EXTL3: variants seen among roughly 807,000 people sequenced by gnomAD.
EXTL3 encodes exostosin like glycosyltransferase 3.
In EXTL3, 27 loss-of-function variants were observed where a neutral mutation model predicts 69.3. The observed-to-expected ratio is 0.39, with a 90% CI of 0.29 to 0.54. EXTL3 has a LOEUF of 0.54. Ranked by LOEUF, EXTL3 falls within the 20% of genes least tolerant of loss-of-function variation. The probability of loss-of-function intolerance (pLI) is 0.69; values close to 1 mark genes in which losing one functional copy is unlikely to be tolerated. For missense variants in EXTL3, 1,003 were observed against 1,231.8 expected (o/e 0.81, Z 2.78); for synonymous variants, 511 against 499.4 (o/e 1.02, Z -0.31).
chr8:28,618,231 C>T (rs911275199), upstream of EXTL3, among the ~76,000 whole-genome samples: 2 of 151,912 alleles, frequency 1.3e-5, no homozygotes, highest in African/African-American at 4.8e-5. Context: ...CTTTGGGAGG[C>T]AGAGGCGGGT....
chr8:28,689,421 T>G (rs1206734653), intron 1 of EXTL3, among the ~76,000 whole-genome samples: 1 of 152,176 alleles, frequency 6.6e-6, no homozygotes, highest in African/African-American at 2.4e-5. Flanking sequence ...CCAGTCCCCA[T>G]GTTTTTGGAT....
intron 1 of EXTL3, among the ~76,000 whole-genome samples, chr8:28,711,261 G>A (rs1801025214): frequency 6.6e-6 from 1 of 152,066 alleles, no homozygotes; most frequent in Non-Finnish European, 1.5e-5. Context: ...TCAAACCAGT[G>A]ACAAACCTCT....
At chr8:28,680,489 G>T (rs1168512015) in intron 1 of EXTL3, among the ~76,000 whole-genome samples, 2 of 151,894 alleles carry the variant, frequency 1.3e-5, no homozygotes, top group African/African-American at 4.8e-5. Context: ...TATTTACAGG[G>T]TATGACATGA....
chr8:28,662,702 C>A (rs533498765), intron 1 of EXTL3, among the ~76,000 whole-genome samples: 1 of 151,930 alleles, frequency 6.6e-6, no homozygotes, highest in Non-Finnish European at 1.5e-5. Context: ...TAATTAGAGT[C>A]CAGGGGTTCG....
At chr8:28,661,074 A>C (rs1404999648) in intron 1 of EXTL3, among the ~76,000 whole-genome samples, 1 of 150,964 alleles carries the variant, frequency 6.6e-6, no homozygotes, top group Non-Finnish European at 1.5e-5. Context: ...CCACCACGCC[A>C]GGCTAATTTT....
At chr8:28,725,514 C>A (rs760080138) in intron 3 of EXTL3, among the ~76,000 whole-genome samples, 29 of 152,190 alleles carry the variant, frequency 1.9e-4, no homozygotes, top group Non-Finnish European at 3.5e-4. Flanking sequence ...GATCTAGAAA[C>A]TTCTCAAGTC....
intron 1 of EXTL3, among the ~76,000 whole-genome samples, chr8:28,659,711 C>T (rs1365913778): frequency 6.6e-6 from 1 of 152,180 alleles, no homozygotes; most frequent in Admixed American, 6.6e-5. Flanking sequence ...TGTGCCAGTG[C>T]CTGCCCCAAA....
In EXTL3 at chr8:28,753,108, C is replaced by T. The variant is rs1802044084; in HGVS notation, c.*2242C>T. On this transcript the variant is annotated 3_prime_UTR_variant, in exon 7 of 7. Coordinates refer to ENST00000220562, the MANE Select transcript of EXTL3 (RefSeq NM_001440.4). ...GCCGGTGCTTCCAACAAGGACAGCC[C>T]TCCTTGACCCTGAAAGGAACACTGG... is the stretch of plus-strand genomic sequence containing the variant. The T allele has an allele frequency of 1.3e-5, 2 of 152,254 alleles. No homozygotes were observed. The highest frequency in any genetic ancestry group is 2.4e-5 in the African/African-American group (1 of 41,428). The allele number at this position is 152,254 out of a possible 1,614,324, so 9.4% of individuals were successfully genotyped here.
chr8:28,641,021 A>G (rs1442690941), intron 1 of EXTL3, among the ~76,000 whole-genome samples: 1 of 152,120 alleles, frequency 6.6e-6, no homozygotes, highest in African/African-American at 2.4e-5. Flanking sequence ...GATCCTGTAC[A>G]TCTCAATAGA....
chr8:28,742,731 CTT>C (rs1170200889), intron 5 of EXTL3: 2,522 of 254,766 alleles, frequency 9.9e-3, no homozygotes, highest in South Asian at 0.017. Flanking sequence ...TCTCACTTAT[CTT>C]TTTTTTTTTT....
chr8:28,706,708 A>G (rs1202135190), intron 1 of EXTL3, among the ~76,000 whole-genome samples: 2 of 152,246 alleles, frequency 1.3e-5, no homozygotes, highest in African/African-American at 4.8e-5. Flanking sequence ...AAGGTTAAAC[A>G]TATAAACATG....
intron 2 of EXTL3, among the ~76,000 whole-genome samples, chr8:28,614,693 G>T (rs1806310604): frequency 6.6e-6 from 1 of 151,984 alleles, no homozygotes; most frequent in Non-Finnish European, 1.5e-5. Flanking sequence ...TTTTCTCTCT[G>T]CATTGCTTTC....
intron 2 of EXTL3, among the ~76,000 whole-genome samples, chr8:28,614,272 C>CTTTTTTTTT (rs35659799): frequency 1.9e-5 from 2 of 104,904 alleles, no homozygotes; most frequent in Non-Finnish European, 3.9e-5. Context: ...GGGTTTTTTG[C>CTTTTTTTTT]TTTTTTTTTT....
intron 1 of EXTL3, among the ~76,000 whole-genome samples, chr8:28,628,526 T>C (rs1806528026): frequency 6.6e-6 from 1 of 152,170 alleles, no homozygotes; most frequent in Admixed American, 6.5e-5. Flanking sequence ...CGAGACCTCA[T>C]CGCTTCAATA....
intron 1 of EXTL3, among the ~76,000 whole-genome samples, chr8:28,637,031 G>C: frequency 6.8e-6 from 1 of 147,680 alleles, no homozygotes; most frequent in Non-Finnish European, 1.5e-5. Context: ...GAGAGGGAGG[G>C]AGCGGGGAAG....
chr8:28,748,244 G>C (rs755812998), intron 6 of EXTL3, among the ~76,000 whole-genome samples: 2 of 151,854 alleles, frequency 1.3e-5, no homozygotes, highest in Non-Finnish European at 2.9e-5. Flanking sequence ...GGTGGCAGGC[G>C]CCTGTAGTCC....
chr8:28,619,845 C>CTTTTTTTTTTT (rs56276866), upstream of EXTL3, among the ~76,000 whole-genome samples: 2 of 50,800 alleles, frequency 3.9e-5, 1 homozygote, highest in Non-Finnish European at 7.6e-5. Flanking sequence ...GCTTCTGGTT[C>CTTTTTTTTTTT]TTTTTTTTTT....
In EXTL3 at chr8:28,710,613, CTTTTTTTTT is replaced by C. The variant is rs11446791; in HGVS notation, c.-569-2835_-569-2827del. 2.8e-3 allele frequency: 776 copies of C among 272,866 alleles called. 2 individuals are homozygous for C. Among genetic ancestry groups the C allele is most frequent in the African/African-American group, 0.02 (715 of 35,526 alleles). The allele number at this position is 272,866 out of a possible 1,614,324, so 16.9% of individuals were successfully genotyped here. ...TTTTTTTTTGTAGTTTTCTTTCTTT[CTTTTTTTTT>C]TTTTTTTTGAGGCAAGGTCTTGCTC... On this transcript the variant is annotated intron_variant, in intron 1 of 6. Transcript: ENST00000220562.
intron 6 of EXTL3, among the ~76,000 whole-genome samples, chr8:28,745,300 C>T (rs922713735): frequency 2.0e-5 from 3 of 152,180 alleles, no homozygotes; most frequent in African/African-American, 7.2e-5. Context: ...CAACTGTGGC[C>T]CCTGCGTAGG....
Sources: allele counts gnomAD v4.1 joint callset (sites outside exome capture counted in the v4.1 genomes callset), GRCh38; gene constraint gnomAD v4.1.1; transcripts MANE v1.5; gene names NCBI Gene and HGNC (gene_info 2026-07-23, HGNC 2026-07-21).